Variants in STXBP5L observed in about 807,000 individuals in gnomAD.
STXBP5L encodes the protein syntaxin-binding protein 5-like.
STXBP5L carries 65 observed loss-of-function variants against 144.5 expected under a neutral mutation model. The ratio of observed to expected loss-of-function variants is 0.45; its 90% CI spans 0.37 to 0.55. The LOEUF (loss-of-function observed/expected upper bound fraction) is 0.55, where lower values mean the gene tolerates loss of function less well. STXBP5L is among the 20% of genes least tolerant of loss of function. STXBP5L has a pLI of 0.00. For missense variants in STXBP5L, 1,298 were observed against 1,405.5 expected (o/e 0.92, Z 1.22); for synonymous variants, 505 against 469.6 (o/e 1.08, Z -0.97).
chr3:121,304,376 A>T (rs1577407003), intron 19 of STXBP5L, among the ~76,000 whole-genome samples: 2 of 152,304 alleles, frequency 1.3e-5, no homozygotes, highest in South Asian at 2.1e-4. Flanking sequence ...TCTTGGCCAG[A>T]TTGATCTAAT....
chr3:121,361,859 T>C (rs541009982), intron 20 of STXBP5L, among the ~76,000 whole-genome samples: 2 of 152,280 alleles, frequency 1.3e-5, no homozygotes, highest in South Asian at 4.1e-4. Context: ...TAGTAGATGT[T>C]CTTTGGTGTG....
chr3:121,094,248 G>A (rs1407736766), intron 5 of STXBP5L, among the ~76,000 whole-genome samples: 24 of 152,280 alleles, frequency 1.6e-4, no homozygotes, highest in Non-Finnish European at 2.6e-4. Flanking sequence ...TGTATATTCT[G>A]TTGATTTGGG....
chr3:121,202,784 G>A (rs2048186345), intron 9 of STXBP5L, among the ~76,000 whole-genome samples: 1 of 151,546 alleles, frequency 6.6e-6, no homozygotes, highest in South Asian at 2.1e-4. Flanking sequence ...ATCTTAATAG[G>A]GTTCTTTTGT....
intron 16 of STXBP5L, among the ~76,000 whole-genome samples, chr3:121,256,621 A>C (rs955952750): frequency 1.3e-5 from 2 of 151,934 alleles, no homozygotes; most frequent in Admixed American, 1.3e-4. Flanking sequence ...GAAAATTTTT[A>C]GTGAATTAAT....
At chr3:121,356,911 G>A (rs2045536519) in intron 20 of STXBP5L, 1 of 154,700 alleles carries the variant, frequency 6.5e-6, no homozygotes, top group Non-Finnish European at 1.4e-5. Flanking sequence ...CAAGGGACTG[G>A]TCAGTCTTCA....
rs566379297 is a variant in STXBP5L at position 121,001,726 on chromosome 3, G to C, written c.288-39974G>C. ...CTAGTGCTCTGCAACCCTGTATAGG[G>C]TTCCCAGCTTCCTCTCCCTTCAGCG... On this transcript the variant is annotated intron_variant, in intron 3 of 26. Coordinates refer to ENST00000471454, the MANE Select transcript of STXBP5L (RefSeq NM_001308330.2). Among the ~76,000 whole-genome samples the C allele has an allele frequency of 1.1e-4, 16 of 152,266 alleles. No individual in the cohort carries two copies. In the East Asian group the frequency reaches 3.1e-3, roughly 29 times the overall value.
chr3:120,960,708 A>G (rs1307049222), intron 3 of STXBP5L, among the ~76,000 whole-genome samples: 1 of 152,024 alleles, frequency 6.6e-6, no homozygotes, highest in African/African-American at 2.4e-5. Context: ...GGAATTGAAC[A>G]ATGAGAACAC....
intron 3 of STXBP5L, among the ~76,000 whole-genome samples, chr3:120,959,100 A>C (rs1177471165): frequency 1.3e-5 from 2 of 152,216 alleles, no homozygotes; most frequent in East Asian, 3.9e-4. Context: ...AAGCATTCTT[A>C]TACACCAAAA....
At chr3:120,970,807 T>A (rs1170702138) in intron 3 of STXBP5L, among the ~76,000 whole-genome samples, 7 of 152,154 alleles carry the variant, frequency 4.6e-5, no homozygotes, top group Non-Finnish European at 1.0e-4. Context: ...GCTGTTTTTT[T>A]CCATTCTAGG....
Position 121,003,241 on chromosome 3 carries a change from T to C in STXBP5L, c.288-38459T>C, listed in dbSNP as rs573224595. Among the ~76,000 whole-genome samples the C allele has an allele frequency of 1.4e-3, 216 of 152,236 alleles. 2 individuals carry two copies. The East Asian group carries it at 0.026, about 18-fold the overall frequency. ...TGTTGTTTCCTGACTTTTTAATGAT[T>C]GCCATTCTAACTGGTGTGAGACGGT... is the stretch of plus-strand genomic sequence containing the variant. On this transcript the variant is annotated intron_variant, in intron 3 of 26. Transcript: ENST00000471454.
intron 3 of STXBP5L, among the ~76,000 whole-genome samples, chr3:120,990,825 T>G (rs965678498): frequency 1.4e-4 from 21 of 152,254 alleles, no homozygotes; most frequent in African/African-American, 4.8e-4. Flanking sequence ...ATACAAAAAT[T>G]AATTCAAGAT....
At chr3:121,209,385 AC>A (rs1450281482) in intron 10 of STXBP5L, among the ~76,000 whole-genome samples, 2 of 151,944 alleles carry the variant, frequency 1.3e-5, no homozygotes, top group Non-Finnish European at 2.9e-5. Flanking sequence ...TACACTCCCA[AC>A]AACACTGTAA....
At chr3:120,975,440 T>G (rs1250692145) in intron 3 of STXBP5L, among the ~76,000 whole-genome samples, 1 of 152,234 alleles carries the variant, frequency 6.6e-6, no homozygotes, top group Non-Finnish European at 1.5e-5. Flanking sequence ...AAGGAGATTT[T>G]GGGCTGAGAC....
At chr3:121,079,057 G>A (rs80354681) in intron 5 of STXBP5L, among the ~76,000 whole-genome samples, 1 of 152,256 alleles carries the variant, frequency 6.6e-6, no homozygotes, top group African/African-American at 2.4e-5. Context: ...GGGAGCCCAG[G>A]CAGAGGAGGC....
intron 9 of STXBP5L, among the ~76,000 whole-genome samples, chr3:121,172,871 A>T (rs750086266): frequency 6.6e-6 from 1 of 152,220 alleles, no homozygotes; most frequent in Admixed American, 6.5e-5. Flanking sequence ...CTATAAAGAC[A>T]CATGCACATG....
intron 22 of STXBP5L, among the ~76,000 whole-genome samples, chr3:121,399,211 G>A (rs2046810026): frequency 6.6e-6 from 1 of 152,106 alleles, no homozygotes; most frequent in Non-Finnish European, 1.5e-5. Flanking sequence ...CCCCACACTT[G>A]TCCCATTGTT....
intron 20 of STXBP5L, among the ~76,000 whole-genome samples, chr3:121,367,321 TG>T (rs1431106736): frequency 2.6e-5 from 4 of 152,166 alleles, no homozygotes. Context: ...AGGGCGGATC[TG>T]GTGGTAACAA....
intron 5 of STXBP5L, among the ~76,000 whole-genome samples, chr3:121,094,840 G>C (rs530021643): frequency 6.6e-6 from 1 of 151,644 alleles, no homozygotes; most frequent in African/African-American, 2.4e-5. Flanking sequence ...TATTTTGCTC[G>C]TTAGTTGATG....
intron 3 of STXBP5L, among the ~76,000 whole-genome samples, chr3:120,984,925 T>A (rs1297792291): frequency 6.6e-6 from 1 of 152,070 alleles, no homozygotes; most frequent in Non-Finnish European, 1.5e-5. Context: ...AGATGTTGTG[T>A]GTTTTTTCCC....
Sources: gnomAD v4.1 joint callset for allele counts (sites outside exome capture counted in the v4.1 genomes callset) on GRCh38, gnomAD v4.1.1 for gene constraint, MANE v1.5 for transcripts, NCBI Gene and HGNC (gene_info 2026-07-23, HGNC 2026-07-21) for gene names.